ANKRD2: variants seen among roughly 807,000 people sequenced by gnomAD.
ANKRD2 encodes the protein ankyrin repeat domain-containing protein 2.
A neutral mutation model predicts 37.3 loss-of-function variants in ANKRD2; 35 were observed. That is an observed-to-expected ratio of 0.94 (90% CI 0.72 to 1.24). The LOEUF (loss-of-function observed/expected upper bound fraction) is 1.24, where lower values mean the gene tolerates loss of function less well. Among genes scored for constraint, ANKRD2 ranks in the 50% most tolerant of loss-of-function variants. The pLI is 0.00. For synonymous variants in ANKRD2, 159 were observed against 186.5 expected (o/e 0.85, Z 1.20); for missense variants, 410 against 445.6 (o/e 0.92, Z 0.72).
intron 6 of ANKRD2, among the ~76,000 whole-genome samples, chr10:97,582,093 A>T (rs2040905210): frequency 6.6e-6 from 1 of 152,224 alleles, no homozygotes; most frequent in Non-Finnish European, 1.5e-5. Context: ...GTGAGAGGAG[A>T]ATCACAGAAG....
intron 6 of ANKRD2, 56 bp downstream of exon 6, chr10:97,581,470 C>A: frequency 2.5e-6 from 4 of 1,568,790 alleles, no homozygotes; most frequent in Non-Finnish European, 2.6e-6. Flanking sequence ...GGGAGAAAGG[C>A]AGGGGTCCAA....
chr10:97,578,023 G>A (rs1402080751), intron 2 of ANKRD2, 122 bp downstream of exon 2: 2 of 1,119,330 alleles, frequency 1.8e-6, no homozygotes, highest in Non-Finnish European at 2.5e-6. Context: ...GAGCTTGCTA[G>A]CCCTGCAGAA....
At chr10:97,573,000 T>C in intron 1 of ANKRD2, 125 bp downstream of exon 1, 1 of 1,287,934 alleles carries the variant, frequency 7.8e-7, no homozygotes, top group Non-Finnish European at 1.0e-6. Context: ...GGGGCCCAGT[T>C]GGGCCTCATT....
chr10:97,583,550 C>A, intron 8 of ANKRD2, 26 bp from the exon 9 acceptor site: 3 of 1,566,132 alleles, frequency 1.9e-6, no homozygotes, highest in African/African-American at 2.7e-5. Context: ...CTTGCCAACC[C>A]CCACGCCCCG....
chr10:97,573,549 C>T (rs1348985774), intron 1 of ANKRD2, among the ~76,000 whole-genome samples: 2 of 152,032 alleles, frequency 1.3e-5, no homozygotes, highest in Non-Finnish European at 2.9e-5. Flanking sequence ...GCCTCAGCCT[C>T]CCGAGTAGCT....
chr10:97,578,144 G>GGGGCCCCCCC, intron 2 of ANKRD2, 96 bp from the exon 3 acceptor site: 1 of 685,442 alleles, frequency 1.5e-6, no homozygotes. Flanking sequence ...GGGTCTTCCT[G>GGGGCCCCCCC]CCCACCCCAC....
At position 97,572,858 on chromosome 10, in the gene ANKRD2, C is replaced by T; in HGVS notation, c.70C>T (p.Gln24Ter). The change falls in exon 1 of 9, where the codon CAG becomes TAG. Residue 24 changes from glutamine to a stop codon, truncating the protein, a stop_gained. Transcript: ENST00000370655. LOFTEE classifies it high-confidence loss of function. ...ATALIEQRLA[Q>*]EEENEKLRGD... ...AGCGCTCATCGAGCAGCGGCTGGCA[C>T]AGGAGGAGGAGAATGAGGTGCGAGC... 1 of 1,553,904 alleles carries T rather than the reference C, an allele frequency of 6.4e-7. No homozygotes were observed. The highest frequency in any genetic ancestry group is 8.7e-7 in the Non-Finnish European group (1 of 1,148,564).
intron 1 of ANKRD2, among the ~76,000 whole-genome samples, chr10:97,577,598 G>T (rs1211352597): frequency 6.6e-6 from 1 of 152,216 alleles, no homozygotes; most frequent in Non-Finnish European, 1.5e-5. Flanking sequence ...GGTTGGGACT[G>T]GGGCTGAAGC....
intron 1 of ANKRD2, among the ~76,000 whole-genome samples, chr10:97,576,381 G>GA (rs2040826498): frequency 6.6e-6 from 1 of 152,188 alleles, no homozygotes; most frequent in Non-Finnish European, 1.5e-5. Flanking sequence ...CAAATGCAGA[G>GA]AAGACCTGGC....
intron 1 of ANKRD2, among the ~76,000 whole-genome samples, chr10:97,575,910 C>CAA (rs5787245): frequency 2.2e-5 from 3 of 136,206 alleles, no homozygotes; most frequent in East Asian, 2.2e-4. Context: ...GACTCGGTCT[C>CAA]AAAAAAAAAA....
rs756159310 is a variant in ANKRD2, at chr10:97,578,212, TG to T, written c.190-22del. 3.2e-5 allele frequency: 42 copies of T among 1,313,512 alleles called. No individual in the cohort carries two copies. The East Asian group carries it at 3.3e-4, about 10-fold the overall frequency. The allele number at this position is 1,313,512 out of a possible 1,614,324, so 81.4% of individuals were successfully genotyped here. A position where few individuals can be genotyped will look rare whatever the true frequency, so the allele number is the denominator to read the frequency against. Reference sequence around the variant, plus strand: ...AGCCCCCCAAACTCTCTGCCCGGCCTGGGGGGTTGATGGGCCATCCCGCGCA... The same window carrying T: ...AGCCCCCCAAACTCTCTGCCCGGCCTGGGGGTTGATGGGCCATCCCGCGCA... On this transcript the variant is annotated intron_variant, in intron 2 of 8. Coordinates refer to ENST00000370655, the MANE Select transcript of ANKRD2 (RefSeq NM_001346793.2).
chr10:97,578,896 T>G (rs1206742441), intron 4 of ANKRD2, among the ~76,000 whole-genome samples: 1 of 152,206 alleles, frequency 6.6e-6, no homozygotes, highest in Non-Finnish European at 1.5e-5. Context: ...CCAGAAGATG[T>G]GGGCTCAAAT....
chr10:97,572,632 C>A, upstream of ANKRD2: 6 of 1,495,714 alleles, frequency 4.0e-6, no homozygotes, highest in Middle Eastern at 4.9e-4. Context: ...GGCCCTGGCT[C>A]CCCCTGCTCC....
intron 8 of ANKRD2, 75 bp from the exon 9 acceptor site, chr10:97,583,501 C>A (rs1168437781): frequency 3.4e-5 from 47 of 1,389,818 alleles, no homozygotes; most frequent in Admixed American, 1.3e-4. Flanking sequence ...AATGAGGGTA[C>A]CTTCTGTGAA....
intron 1 of ANKRD2, 102 bp downstream of exon 1, chr10:97,572,977 G>A (rs978149573): frequency 2.8e-6 from 4 of 1,435,402 alleles, no homozygotes; most frequent in East Asian, 2.5e-5. Flanking sequence ...GGGGAGGGGG[G>A]CAGATGTCCC....
At chr10:97,582,041 T>A (rs1303712093) in intron 6 of ANKRD2, among the ~76,000 whole-genome samples, 1 of 152,234 alleles carries the variant, frequency 6.6e-6, no homozygotes, top group African/African-American at 2.4e-5. Flanking sequence ...AAATGACATA[T>A]ATTATGATTA....
chr10:97,579,552 C>T (rs1287621763), intron 4 of ANKRD2, among the ~76,000 whole-genome samples: 1 of 151,674 alleles, frequency 6.6e-6, no homozygotes, highest in African/African-American at 2.4e-5. Context: ...GCATTAATTA[C>T]ATTCACAATG....
chr10:97,578,470 C>T, intron 3 of ANKRD2, 28 bp from the exon 4 acceptor site: 4 of 1,596,382 alleles, frequency 2.5e-6, no homozygotes, highest in Non-Finnish European at 2.6e-6. Flanking sequence ...GCTGGGACGG[C>T]CCGTGACTGC....
chr10:97,580,812 C>A, intron 4 of ANKRD2, 43 bp from the exon 5 acceptor site: 1 of 1,501,344 alleles, frequency 6.7e-7, no homozygotes, highest in Non-Finnish European at 9.2e-7. Context: ...TGGGCTCAGG[C>A]CTGGAGCCAG....
Sources: gnomAD v4.1 joint callset for allele counts (sites outside exome capture counted in the v4.1 genomes callset) on GRCh38, gnomAD v4.1.1 for gene constraint, MANE v1.5 for transcripts, NCBI Gene and HGNC (gene_info 2026-07-23, HGNC 2026-07-21) for gene names.